CCDC187: variants seen among roughly 807,000 people sequenced by gnomAD.
CCDC187 encodes the protein coiled-coil domain-containing protein 187.
In CCDC187, 32 loss-of-function variants were observed where a neutral mutation model predicts 38.0. The observed-to-expected ratio is 0.84, with a 90% CI of 0.64 to 1.13. The LOEUF is 1.13. Ranked by LOEUF, CCDC187 falls within the 50% of genes most tolerant of loss-of-function variation. The pLI, the probability that CCDC187 is intolerant of heterozygous loss-of-function variation, is 0.00. For synonymous variants in CCDC187, 333 were observed against 347.9 expected, an observed-to-expected ratio of 0.96 and a Z score of 0.48; for missense variants, 707 against 786.8, an observed-to-expected ratio of 0.90 and a Z score of 1.21.
At chr9:136,294,085 T>C (rs1242208635) in intron 4 of CCDC187, among the ~76,000 whole-genome samples, 1,117 of 102,018 alleles carry the variant, frequency 0.011, 11 homozygotes, top group African/African-American at 0.04. Context: ...CACGCTCATA[T>C]ACACACGCCC....
intron 25 of CCDC187, among the ~76,000 whole-genome samples, 184 bp from the exon 26 acceptor site, chr9:136,255,318 C>T (rs1830598586): frequency 6.6e-6 from 1 of 152,210 alleles, no homozygotes; most frequent in Non-Finnish European, 1.5e-5. Flanking sequence ...CGCCCACCCC[C>T]ACCCACACGC....
At chr9:136,297,180 G>A (rs1831554838) in intron 4 of CCDC187, among the ~76,000 whole-genome samples, 1 of 151,396 alleles carries the variant, frequency 6.6e-6, no homozygotes, top group Non-Finnish European at 1.5e-5. Flanking sequence ...GCTGTGGGTG[G>A]CGTAGGCTGT....
rs1198889518 is a variant in CCDC187 at position 136,267,519 on chromosome 9, T to C, written c.3520-8A>G. 3.0e-6 allele frequency: 3 copies of C among 985,584 alleles called. No homozygotes were observed. The highest frequency in any genetic ancestry group is 1.7e-5 in the African/African-American group (1 of 57,260). The allele number at this position is 985,584 out of a possible 1,614,324, so 61.1% of individuals were successfully genotyped here. A position where few individuals can be genotyped will look rare whatever the true frequency, so the allele number is the denominator to read the frequency against. On this transcript the variant is annotated splice_region_variant and splice_polypyrimidine_tract_variant and intron_variant, in intron 15 of 25. Coordinates refer to ENST00000638797, the MANE Select transcript of CCDC187 (RefSeq NM_001378188.1). ...CAGGCTCCGCTCCAGCATCTGCAGCTTGAAGCGGCCCAAGGCCCCTAAAGC... is the reference window on the plus strand; with the variant it reads ...CAGGCTCCGCTCCAGCATCTGCAGCCTGAAGCGGCCCAAGGCCCCTAAAGC...
Position 136,264,982 on chromosome 9 carries a change from G to A in CCDC187, c.3735+974C>T, listed in dbSNP as rs1830727535. 6.6e-6 allele frequency among the ~76,000 whole-genome samples: 1 copy of A among 152,164 alleles called. No homozygotes were observed. Among genetic ancestry groups the A allele is most frequent in the Non-Finnish European group, 1.5e-5 (1 of 68,016 alleles). On this transcript the variant is annotated intron_variant, in intron 17 of 25. Transcript: ENST00000638797. This position sits in a 1 kb window ranked among gnomAD's most constrained non-coding sequence, Gnocchi z 4.3. ...GCCCAGGCCTGTCTCACATTCCTGG[G>A]CTCAAGCGATCCTCCCACCTTGGCC...
At chr9:136,301,455 C>G (rs1376619886) in intron 2 of CCDC187, among the ~76,000 whole-genome samples, 9 of 152,054 alleles carry the variant, frequency 5.9e-5, no homozygotes, top group African/African-American at 1.9e-4. Context: ...GGGGACAGAG[C>G]TTCAGTTTGG....
At position 136,290,884 on chromosome 9, in the gene CCDC187, C is replaced by T. The variant is rs888778523; in HGVS notation, c.1729G>A (p.Gly577Ser). 1.0e-5 allele frequency: 4 copies of T among 398,468 alleles called. No homozygotes were observed. The highest frequency in any genetic ancestry group is 1.8e-5 in the Non-Finnish European group (4 of 226,048). 24.7% of individuals were successfully genotyped at this position (398,468 alleles called of 1,614,324 possible). A position where few individuals can be genotyped will look rare whatever the true frequency, so the allele number is the denominator to read the frequency against. ...PPAQRPWSSS[G>S]VQRAGPQGKG... ...CCCTGGGGGCCGGCCCTCTGCACGCCGGAGCTGCTCCAGGGCCGCTGGGCT... is the reference window on the plus strand; with the variant it reads ...CCCTGGGGGCCGGCCCTCTGCACGCTGGAGCTGCTCCAGGGCCGCTGGGCT... Residue 577 changes from glycine to serine, a missense_variant, in exon 6 of 26, where the codon GGC (glycine) becomes AGC (serine). Transcript: ENST00000638797.
Position 136,267,463 on chromosome 9 carries a change from C to T in CCDC187, c.3568G>A (p.Ala1190Thr), listed in dbSNP as rs75932047. ...ATCTCTCGCAGGCGCAGCAGCGCGG[C>T]CTGGTGCTGTGCTCGCAGCTCCTCC... Reference protein sequence around the residue: ...REEELRAQHQAALLRLREMAL... With the variant: ...REEELRAQHQTALLRLREMAL... Residue 1190 changes from alanine to threonine, a missense_variant, in exon 16 of 26, where the codon GCC becomes ACC. By Grantham distance (58) the Ala-to-Thr change is moderately conservative (BLOSUM62 0). Transcript: ENST00000638797. 9.4e-3 allele frequency: 9,251 copies of T among 985,726 alleles called. 695 individuals carry two copies. The East Asian group carries it at 0.26, about 27-fold the overall frequency. The allele number at this position is 985,726 out of a possible 1,614,324, so 61.1% of individuals were successfully genotyped here.
chr9:136,263,940 G>T, intron 17 of CCDC187, 142 bp from the exon 18 acceptor site: 1 of 496,056 alleles, frequency 2.0e-6, no homozygotes, highest in Non-Finnish European at 2.6e-6. Flanking sequence ...GCCTTTGCCC[G>T]CCCCTCCTGC....
chr9:136,272,440 C>T lies in CCDC187; in HGVS notation c.3442+2218G>A, dbSNP rs368717723. 5.4e-4 allele frequency among the ~76,000 whole-genome samples: 82 copies of T among 152,184 alleles called. No homozygotes were observed. In the East Asian group the frequency reaches 0.012, roughly 22 times the overall value. ...AAAAATGGCCGGGCGTGGTGGCTCA[C>T]GCCTGTAATCCCAGCACTTTGGGAG... On this transcript the variant is annotated intron_variant, in intron 14 of 25. Coordinates refer to ENST00000638797, the MANE Select transcript of CCDC187 (RefSeq NM_001378188.1).
chr9:136,302,784 G>A, intron 2 of CCDC187, 28 bp downstream of exon 2: 1 of 399,184 alleles, frequency 2.5e-6, no homozygotes. Flanking sequence ...CAGCCCTCCT[G>A]CCCCTCTCTG....
intron 6 of CCDC187, 150 bp downstream of exon 6, chr9:136,290,336 G>T (rs1477654839): frequency 7.5e-6 from 3 of 397,566 alleles, no homozygotes; most frequent in Non-Finnish European, 1.3e-5. Flanking sequence ...ACAGGCAGTG[G>T]CAGCGACGCC....
intron 17 of CCDC187, 57 bp from the exon 18 acceptor site, chr9:136,263,855 GC>G: frequency 4.1e-6 from 4 of 975,894 alleles, no homozygotes; most frequent in Non-Finnish European, 4.9e-6. Context: ...AGGGGAAAAG[GC>G]CAACAAAAGG....
At chr9:136,297,032 C>T (rs1476425784) in intron 4 of CCDC187, among the ~76,000 whole-genome samples, 2 of 151,914 alleles carry the variant, frequency 1.3e-5, no homozygotes, top group Non-Finnish European at 2.9e-5. Flanking sequence ...TAAATGTGAA[C>T]GTGTGACAAA....
chr9:136,304,685 ACC>A (rs1831771187), upstream of CCDC187, among the ~76,000 whole-genome samples: 2 of 151,462 alleles, frequency 1.3e-5, no homozygotes, highest in African/African-American at 2.4e-5. Context: ...CTCCTTCCCC[ACC>A]CCCACTGGCA....
In CCDC187 at chr9:136,255,681, C is replaced by A; in HGVS notation, c.4669G>T (p.Ala1557Ser). 1.0e-6 allele frequency: 1 copy of A among 985,490 alleles called. No individual in the cohort carries two copies. Among genetic ancestry groups the A allele is most frequent in the Non-Finnish European group, 1.2e-6 (1 of 830,004 alleles). The allele number at this position is 985,490 out of a possible 1,614,324, so 61.0% of individuals were successfully genotyped here. Residue 1557 changes from alanine to serine, a missense_variant, in exon 25 of 26, where the codon GCT becomes TCT. Ala to Ser is a moderately conservative substitution (Grantham distance 99, BLOSUM62 1). Coordinates refer to ENST00000638797, the MANE Select transcript of CCDC187 (RefSeq NM_001378188.1). ...CCTGGGGAGGCAGCGGCCTGGGCAG[C>A]CTCCAGCCAGGTGGAGGAGATGCCG... Reference protein sequence around the residue: ...VPGISSTWLEAAQAAASPAAP... With the variant: ...VPGISSTWLESAQAAASPAAP...
intron 7 of CCDC187, among the ~76,000 whole-genome samples, chr9:136,288,446 G>A (rs1831233021): frequency 6.6e-6 from 1 of 152,180 alleles, no homozygotes; most frequent in African/African-American, 2.4e-5. Flanking sequence ...TCCAGGGTGG[G>A]ACGCTCTGGT....
At position 136,253,788 on chromosome 9, in the gene CCDC187, G is replaced by C. The variant is rs4078121; in HGVS notation, c.6040C>G (p.Pro2014Ala). Residue 2014 changes from proline (P) to alanine (A), a missense_variant, in exon 26 of 26, where the codon CCA becomes GCA. Coordinates refer to ENST00000638797, the MANE Select transcript of CCDC187 (RefSeq NM_001378188.1). ...TGTGCTTGGGGAGTGGGAGGAGGTG[G>C]GGGTAGGGGGGCCTCCCTGTGGATG... is the stretch of plus-strand genomic sequence containing the variant. Reference protein sequence around the residue: ...SSIHREAPLPPPPPTPQAQSD... With the variant: ...SSIHREAPLPAPPPTPQAQSD... 0.13 allele frequency: 131,939 copies of C among 985,514 alleles called. 9,534 individuals are homozygous for C. Among genetic ancestry groups the C allele is most frequent in the Admixed American group, 0.2 (3,254 of 16,288 alleles). The allele number at this position is 985,514 out of a possible 1,614,324, so 61.0% of individuals were successfully genotyped here.
chr9:136,263,561 C>G, intron 18 of CCDC187, 61 bp downstream of exon 18: 1 of 979,454 alleles, frequency 1.0e-6, no homozygotes, highest in Non-Finnish European at 1.2e-6. Flanking sequence ...GGGACTTGCA[C>G]GATCATGGGA....
chr9:136,306,176 G>T (rs1157714118), upstream of CCDC187, among the ~76,000 whole-genome samples: 1 of 152,148 alleles, frequency 6.6e-6, no homozygotes, highest in Non-Finnish European at 1.5e-5. Flanking sequence ...GGGCAGGCCA[G>T]GCCCCCCTGT....
Sources: allele counts gnomAD v4.1 joint callset (sites outside exome capture counted in the v4.1 genomes callset), GRCh38; gene constraint gnomAD v4.1.1; non-coding constraint Gnocchi (gnomAD v3.1); transcripts MANE v1.5; gene names NCBI Gene and HGNC (gene_info 2026-07-23, HGNC 2026-07-21).